Variants in SENP5 observed in about 807,000 individuals in gnomAD.
SENP5 encodes the protein sentrin-specific protease 5.
In SENP5, 21 loss-of-function variants were observed where a neutral mutation model predicts 74.2. The observed-to-expected ratio is 0.28, with a 90% CI of 0.20 to 0.41. The LOEUF (loss-of-function observed/expected upper bound fraction) is 0.41. Among genes scored for constraint, SENP5 ranks in the 10% least tolerant of loss-of-function variants. The pLI is 1.00. For synonymous variants in SENP5, 311 were observed against 312.7 expected (o/e 0.99, Z 0.06); for missense variants, 717 against 889.1 (o/e 0.81, Z 2.46).
chr3:196,868,263 T>G (rs1381936386), intron 1 of SENP5, among the ~76,000 whole-genome samples, 190 bp downstream of exon 1: 1 of 152,124 alleles, frequency 6.6e-6, no homozygotes, highest in South Asian at 2.1e-4. Context: ...GCGAGCGAGC[T>G]CGTCCCGAGG....
At chr3:196,905,504 A>T (rs1296733218) in intron 6 of SENP5, among the ~76,000 whole-genome samples, 1 of 152,156 alleles carries the variant, frequency 6.6e-6, no homozygotes. Context: ...GAGGGTTCCC[A>T]TGCCGCCCTC....
chr3:196,880,086 C>A (rs1242030204), intron 1 of SENP5, among the ~76,000 whole-genome samples: 1 of 152,014 alleles, frequency 6.6e-6, no homozygotes, highest in Non-Finnish European at 1.5e-5. Context: ...GCTGGGATTA[C>A]AGGTTCATGC....
At chr3:196,872,629 T>C (rs1713265750) in intron 1 of SENP5, among the ~76,000 whole-genome samples, 1 of 152,204 alleles carries the variant, frequency 6.6e-6, no homozygotes, top group Non-Finnish European at 1.5e-5. Context: ...CTACGTGTGG[T>C]TAGTGGCTAC....
rs765617517 is a variant in SENP5 at position 196,900,001 on chromosome 3, A to G, written c.1697A>G (p.Lys566Arg). ...TGTAACTTCCGTATCTTCTATAATAAACACATGCTGGATATGGACGACCTG... is the reference window on the plus strand; with the variant it reads ...TGTAACTTCCGTATCTTCTATAATAGACACATGCTGGATATGGACGACCTG... ...QKCNFRIFYN[K>R]HMLDMDDLAT... Residue 566 changes from lysine to arginine, a missense_variant, in exon 4 of 10, where the codon AAA becomes AGA. Lys to Arg is a conservative substitution (Grantham distance 26, BLOSUM62 2). Coordinates refer to ENST00000323460, the MANE Select transcript of SENP5 (RefSeq NM_152699.5). 1 of 1,614,164 alleles carries G rather than the reference A, an allele frequency of 6.2e-7. No homozygotes were observed. The highest frequency in any genetic ancestry group is 1.7e-5 in the Admixed American group (1 of 60,010).
intron 1 of SENP5, among the ~76,000 whole-genome samples, chr3:196,880,954 A>AT (rs34410948): frequency 2.4e-4 from 35 of 146,324 alleles, no homozygotes; most frequent in South Asian, 4.4e-4. Context: ...TTCCTTTTTT[A>AT]TTTTTTTTTT....
rs144602055 is a variant in SENP5, at chr3:196,932,482, C to A, written c.*1559C>A. ...CAGTGGTGACACTGGGAAGCAGCCCCAGCACTTTCCTCTCCTGAGTCCTCC... is the reference window on the plus strand; with the variant it reads ...CAGTGGTGACACTGGGAAGCAGCCCAAGCACTTTCCTCTCCTGAGTCCTCC... On this transcript the variant is annotated 3_prime_UTR_variant, in exon 10 of 10. Transcript: ENST00000323460. The A allele has an allele frequency of 1.8e-4, 28 of 152,380 alleles. No homozygotes were observed. The highest frequency in any genetic ancestry group is 6.7e-4 in the African/African-American group (28 of 41,560). The allele number at this position is 152,380 out of a possible 1,614,324, so 9.4% of individuals were successfully genotyped here. A position where few individuals can be genotyped will look rare whatever the true frequency, so the allele number is the denominator to read the frequency against.
chr3:196,904,328 A>C (rs1714816278), intron 6 of SENP5, among the ~76,000 whole-genome samples: 1 of 152,224 alleles, frequency 6.6e-6, no homozygotes, highest in Non-Finnish European at 1.5e-5. Context: ...TCAGAGGAGC[A>C]TTCCCAGTAG....
chr3:196,881,896 G>GTTTT (rs11385462), intron 1 of SENP5, among the ~76,000 whole-genome samples: 14 of 109,178 alleles, frequency 1.3e-4, no homozygotes, highest in African/African-American at 2.9e-4. Flanking sequence ...GATAGTATTA[G>GTTTT]TTTTTTTTTT....
rs1187969584 is a variant in SENP5, at chr3:196,885,227, G to A, written c.46G>A (p.Ala16Thr). ...TCTATGGAGGAAAGGAATCCACTTA[G>A]CCTTTTCTGAGAAATGGAATACTGG... is the stretch of plus-strand genomic sequence containing the variant. ...KILWRKGIHL[A>T]FSEKWNTGFG... Residue 16 changes from alanine to threonine, a missense_variant, in exon 2 of 10, where the codon GCC becomes ACC. Ala to Thr is a moderately conservative substitution (Grantham distance 58). Coordinates refer to ENST00000323460, the MANE Select transcript of SENP5 (RefSeq NM_152699.5). 6.2e-7 allele frequency: 1 copy of A among 1,613,904 alleles called. No homozygotes were observed. The highest frequency in any genetic ancestry group is 1.7e-5 in the Admixed American group (1 of 59,958).
intron 1 of SENP5, among the ~76,000 whole-genome samples, chr3:196,876,985 T>C (rs941985369): frequency 6.6e-6 from 1 of 152,144 alleles, no homozygotes; most frequent in Non-Finnish European, 1.5e-5. Flanking sequence ...TGGAATCATA[T>C]TGGACTCTGC....
chr3:196,891,767 C>G (rs1421467793), intron 2 of SENP5, among the ~76,000 whole-genome samples: 3 of 152,162 alleles, frequency 2.0e-5, no homozygotes, highest in Non-Finnish European at 2.9e-5. Context: ...CGACTGCATT[C>G]CACGCTGGGT....
intron 1 of SENP5, among the ~76,000 whole-genome samples, chr3:196,884,842 C>T (rs930590825): frequency 6.6e-6 from 1 of 152,050 alleles, no homozygotes; most frequent in African/African-American, 2.4e-5. Context: ...ATCCTTGCAC[C>T]TTGGCTTCCC....
At position 196,914,586 on chromosome 3, in the gene SENP5, A is replaced by AAAAAAAAAATATATATAT; in HGVS notation, c.1885-8827_1885-8826insAAAAAAAATATATATATA. On this transcript the variant is annotated intron_variant, in intron 6 of 9. Transcript: ENST00000323460. ...CTTTAAAAAAAAAAAAAAAAAAAAA[A>AAAAAAAAAATATATATAT]ATATATATATATATATATATATATA... 7.0e-3 allele frequency: 232 copies of AAAAAAAAAATATATATAT among 33,364 alleles called. 7 individuals are homozygous for AAAAAAAAAATATATATAT. Among genetic ancestry groups the AAAAAAAAAATATATATAT allele is most frequent in the Non-Finnish European group, 8.9e-3 (176 of 19,682 alleles). 2.1% of individuals were successfully genotyped at this position (33,364 alleles called of 1,614,324 possible). A position where few individuals can be genotyped will look rare whatever the true frequency, so the allele number is the denominator to read the frequency against.
At chr3:196,926,481 C>T (rs924343637) in intron 7 of SENP5, among the ~76,000 whole-genome samples, 1 of 125,354 alleles carries the variant, frequency 8.0e-6, no homozygotes. Flanking sequence ...GACTCCGTCT[C>T]AAAAAAAAAA....
chr3:196,876,084 AGTTT>A (rs1423890309), intron 1 of SENP5, among the ~76,000 whole-genome samples: 2 of 152,206 alleles, frequency 1.3e-5, no homozygotes, highest in East Asian at 3.8e-4. Flanking sequence ...CATATTAAGA[AGTTT>A]GTTTATATAG....
chr3:196,931,919 T>C lies in SENP5; in HGVS notation c.*996T>C, dbSNP rs1332598124. ...TGACTTGAGATGTTTTGCAGGTGGC[T>C]GGAGAGAAGAGGGAAGGTAATAGAG... On this transcript the variant is annotated 3_prime_UTR_variant, in exon 10 of 10. Transcript: ENST00000323460. 2.2e-6 allele frequency: 1 copy of C among 454,896 alleles called. No homozygotes were observed. Among genetic ancestry groups the C allele is most frequent in the Non-Finnish European group, 4.4e-6 (1 of 226,410 alleles). 28.2% of individuals were successfully genotyped at this position (454,896 alleles called of 1,614,324 possible).
chr3:196,871,886 A>G (rs557716411), intron 1 of SENP5, among the ~76,000 whole-genome samples: 7 of 152,128 alleles, frequency 4.6e-5, no homozygotes, highest in Non-Finnish European at 1.0e-4. Context: ...AGTCAAATAC[A>G]TAGACCTTAA....
At chr3:196,868,193 T>TCC (rs1156802907) in intron 1 of SENP5, 120 bp downstream of exon 1, 1 of 152,180 alleles carries the variant, frequency 6.6e-6, no homozygotes, top group East Asian at 1.9e-4. Context: ...CGAGCCGCCC[T>TCC]CCCCCGCCCG....
At position 196,927,883 on chromosome 3, in the gene SENP5, A is replaced by C. The variant is rs751077018; in HGVS notation, c.2106+4A>C. 6.3e-7 allele frequency: 1 copy of C among 1,590,472 alleles called. No homozygotes were observed. The highest frequency in any genetic ancestry group is 8.6e-7 in the Non-Finnish European group (1 of 1,158,600). On this transcript the variant is annotated splice_donor_region_variant and intron_variant, in intron 8 of 9. Transcript: ENST00000323460. ...TTGGCAGACTGCTGTTACGAAGGTAAGTATGTGATAACAATGAAACCCAGG... is the reference window on the plus strand; with the variant it reads ...TTGGCAGACTGCTGTTACGAAGGTACGTATGTGATAACAATGAAACCCAGG...
Sources: allele counts gnomAD v4.1 joint callset (sites outside exome capture counted in the v4.1 genomes callset), GRCh38; gene constraint gnomAD v4.1.1; transcripts MANE v1.5; gene names NCBI Gene and HGNC (gene_info 2026-07-23, HGNC 2026-07-21).